The following ACOX2 variants were observed in gnomAD, a reference collection of about 807,000 sequenced individuals.
ACOX2 encodes peroxisomal acyl-coenzyme A oxidase 2.
In ACOX2, 59 loss-of-function variants were observed where a neutral mutation model predicts 77.5. The observed-to-expected ratio is 0.76, with a 90% confidence interval of 0.62 to 0.95. ACOX2 has a LOEUF of 0.95. Ranked by LOEUF, ACOX2 falls within the 40% of genes least tolerant of loss-of-function variation. The pLI is 0.00. For missense variants in ACOX2, 837 were observed against 880.4 expected (o/e 0.95, Z 0.62); for synonymous variants, 317 against 340.1 (o/e 0.93, Z 0.75).
Position 58,526,569 on chromosome 3 carries a change from G to T in ACOX2, c.1243C>A (p.His415Asn). Residue 415 changes from histidine (H) to asparagine (N), a missense_variant, in exon 10 of 15, where the codon CAT (histidine) becomes AAT (asparagine). His to Asn is a moderately conservative substitution (Grantham distance 68, BLOSUM62 1). Coordinates refer to ENST00000302819, the MANE Select transcript of ACOX2 (RefSeq NM_003500.4). This position sits in a 1 kb window ranked among gnomAD's most constrained non-coding sequence, Gnocchi z 4.3. ...AEMCRRACGG[H>N]GYSKLSGLPS... ...AGGCCACTCAGCTTTGAGTAGCCAT[G>T]TCCGCCACAGGCCCTGCGGCACATC... The T allele has an allele frequency of 6.2e-7, 1 of 1,614,204 alleles. No homozygotes were observed. Among genetic ancestry groups the T allele is most frequent in the South Asian group, 1.1e-5 (1 of 91,086 alleles).
chr3:58,526,657 C>A lies in ACOX2; in HGVS notation c.1156-1G>T, dbSNP rs144118647. ...TCATGCCCGTGCTCAGTGCGTGGAG[C>A]TGTGAGAACATGGAGGGGGGTTGGG... is the stretch of plus-strand genomic sequence containing the variant. On this transcript the variant is annotated splice_acceptor_variant, in intron 9 of 14. Transcript: ENST00000302819. LOFTEE classifies it high-confidence loss of function. The surrounding 1 kb of genome is among the most constrained non-coding windows in gnomAD (Gnocchi z 4.3). 4 of 1,612,896 alleles carry A rather than the reference C, an allele frequency of 2.5e-6. No individual in the cohort carries two copies. In the African/African-American group the frequency reaches 5.3e-5, roughly 22 times the overall value.
At chr3:58,507,106 A>G (rs2063240155) in intron 14 of ACOX2, among the ~76,000 whole-genome samples, 1 of 152,230 alleles carries the variant, frequency 6.6e-6, no homozygotes, top group Admixed American at 6.5e-5. Context: ...AAGATCCACA[A>G]TGCTATACCT....
chr3:58,507,620 A>G (rs1560208167), intron 14 of ACOX2, among the ~76,000 whole-genome samples: 1 of 152,214 alleles, frequency 6.6e-6, no homozygotes, highest in South Asian at 2.1e-4. Context: ...TCTTTAGACC[A>G]TGGAAGCTAG....
chr3:58,529,552 C>T (rs1273045236), intron 8 of ACOX2, among the ~76,000 whole-genome samples: 2 of 152,192 alleles, frequency 1.3e-5, no homozygotes, highest in African/African-American at 4.8e-5. Flanking sequence ...ACAGCAGCTG[C>T]TTACCTGGCG....
In ACOX2 at chr3:58,533,622, T is replaced by C; in HGVS notation, c.476-70A>G. Reference sequence around the variant, plus strand: ...TCTTACCTGTGAAGCTGCTTCTAGGTGGGTCTGAACTCTTAGGCATCAGCG... The same window carrying C: ...TCTTACCTGTGAAGCTGCTTCTAGGCGGGTCTGAACTCTTAGGCATCAGCG... On this transcript the variant is annotated intron_variant, in intron 4 of 14. Transcript: ENST00000302819. This position sits in a 1 kb window ranked among gnomAD's most constrained non-coding sequence, Gnocchi z 5.6. 1.4e-6 allele frequency: 2 copies of C among 1,470,664 alleles called. No homozygotes were observed. Among genetic ancestry groups the C allele is most frequent in the Admixed American group, 1.7e-5 (1 of 59,100 alleles). 91.1% of individuals were successfully genotyped at this position (1,470,664 alleles called of 1,614,324 possible).
chr3:58,532,468 C>G (rs542984877), intron 5 of ACOX2, among the ~76,000 whole-genome samples: 1 of 152,178 alleles, frequency 6.6e-6, no homozygotes, highest in Admixed American at 6.5e-5. Flanking sequence ...TCATTGCAGC[C>G]TCTGCCTCCC....
At chr3:58,508,419 A>G (rs2063249923) in intron 14 of ACOX2, among the ~76,000 whole-genome samples, 1 of 152,168 alleles carries the variant, frequency 6.6e-6, no homozygotes, top group Admixed American at 6.5e-5. Flanking sequence ...AGAGGGTATC[A>G]TCTCTAGCAG....
rs1313857168 is a variant in ACOX2, at chr3:58,521,381, T to C, written c.1632+1115A>G. Among the ~76,000 whole-genome samples, 1 of 152,248 alleles carries C rather than the reference T, an allele frequency of 6.6e-6. No individual in the cohort carries two copies. Among genetic ancestry groups the C allele is most frequent in the Non-Finnish European group, 1.5e-5 (1 of 68,036 alleles). On this transcript the variant is annotated intron_variant, in intron 12 of 14. Coordinates refer to ENST00000302819, the MANE Select transcript of ACOX2 (RefSeq NM_003500.4). The surrounding 1 kb of genome is among the most constrained non-coding windows in gnomAD (Gnocchi z 4.8). Reference sequence around the variant, plus strand: ...AGGATTGGCGTGATCACTTTAGTTTTCCAGTTATTGGCGGTGCCAGAGTCC... The same window carrying C: ...AGGATTGGCGTGATCACTTTAGTTTCCCAGTTATTGGCGGTGCCAGAGTCC...
intron 13 of ACOX2, among the ~76,000 whole-genome samples, chr3:58,516,381 C>T (rs1467981416): frequency 6.6e-6 from 1 of 152,154 alleles, no homozygotes; most frequent in Non-Finnish European, 1.5e-5. Context: ...GTACCCAGCC[C>T]CTCCTCTGGC....
At chr3:58,527,951 C>T (rs1408791954) in intron 9 of ACOX2, among the ~76,000 whole-genome samples, 1 of 151,898 alleles carries the variant, frequency 6.6e-6, no homozygotes, top group Non-Finnish European at 1.5e-5. Flanking sequence ...AAGCAATCCT[C>T]CTGCCCTGGC....
rs201218194 is a variant in ACOX2 at position 58,517,612 on chromosome 3, T to TG, written c.1633-190_1633-189insC. ...TTTTGATGTTGTGTATATGTGTGTG[T>TG]TGGGGGGGGGAGCGGGGACGGGGGG... On this transcript the variant is annotated intron_variant, in intron 12 of 14. Coordinates refer to ENST00000302819, the MANE Select transcript of ACOX2 (RefSeq NM_003500.4). Among the ~76,000 whole-genome samples, 376 of 95,816 alleles carry TG rather than the reference T, an allele frequency of 3.9e-3. 2 individuals carry two copies. Among genetic ancestry groups the TG allele is most frequent in the East Asian group, 9.8e-3 (33 of 3,362 alleles). The allele number at this position is 95,816 out of a possible 152,430, so 62.9% of individuals were successfully genotyped here.
At chr3:58,516,409 G>C (rs957433860) in intron 13 of ACOX2, among the ~76,000 whole-genome samples, 4 of 152,160 alleles carry the variant, frequency 2.6e-5, no homozygotes, top group Non-Finnish European at 5.9e-5. Flanking sequence ...GTGATACTGG[G>C]CAACTCCCAT....
intron 14 of ACOX2, among the ~76,000 whole-genome samples, chr3:58,506,794 A>G (rs559507977): frequency 2.2e-4 from 34 of 152,352 alleles, no homozygotes; most frequent in African/African-American, 7.9e-4. Context: ...TCTGTCTCAA[A>G]AATAATAATA....
In ACOX2 at chr3:58,535,808, T is replaced by TG. The variant is rs1008155690; in HGVS notation, c.-91-612dup. ...CCCAGGTTGGACCCTGTCTCCTTCA[T>TG]GGCAAGTGCTTGGCCTCTGAGAAGC... On this transcript the variant is annotated intron_variant, in intron 1 of 14. Coordinates refer to ENST00000302819, the MANE Select transcript of ACOX2 (RefSeq NM_003500.4). The surrounding 1 kb of genome is among the most constrained non-coding windows in gnomAD (Gnocchi z 4.8). Among the ~76,000 whole-genome samples the TG allele has an allele frequency of 5.9e-5, 9 of 152,036 alleles. No homozygotes were observed. Among genetic ancestry groups the TG allele is most frequent in the African/African-American group, 1.7e-4 (7 of 41,310 alleles).
chr3:58,515,386 A>G lies in ACOX2; in HGVS notation c.1850+1820T>C, dbSNP rs182369253. 1.3e-5 allele frequency among the ~76,000 whole-genome samples: 2 copies of G among 152,338 alleles called. No individual in the cohort carries two copies. The highest frequency in any genetic ancestry group is 3.9e-4 in the East Asian group (2 of 5,186). ...CTATGAGTAGTCATAAAGGGCATGT[A>G]ACATATTGCATATTGTGAGAAATAA... On this transcript the variant is annotated intron_variant, in intron 13 of 14. Coordinates refer to ENST00000302819, the MANE Select transcript of ACOX2 (RefSeq NM_003500.4). This position sits in a 1 kb window ranked among gnomAD's most constrained non-coding sequence, Gnocchi z 4.0.
chr3:58,532,834 T>A (rs1363489961), intron 5 of ACOX2, among the ~76,000 whole-genome samples: 3 of 152,202 alleles, frequency 2.0e-5, no homozygotes, highest in African/African-American at 4.8e-5. Flanking sequence ...GCCACAGATG[T>A]GTCCTTGGAG....
Position 58,523,747 on chromosome 3 carries a change from C to A in ACOX2, c.1526+679G>T, listed in dbSNP as rs1188828114. 6.6e-6 allele frequency among the ~76,000 whole-genome samples: 1 copy of A among 152,074 alleles called. No homozygotes were observed. Among genetic ancestry groups the A allele is most frequent in the Non-Finnish European group, 1.5e-5 (1 of 68,014 alleles). On this transcript the variant is annotated intron_variant, in intron 11 of 14. Coordinates refer to ENST00000302819, the MANE Select transcript of ACOX2 (RefSeq NM_003500.4). The surrounding 1 kb of genome is among the most constrained non-coding windows in gnomAD (Gnocchi z 5.3). ...TACTGGTGTCAGCCACCATGCCCAG[C>A]CTGTTTTCGGTGTTTTAATTTGGGG...
rs773554461 is a variant in ACOX2, at chr3:58,534,328, C to T, written c.323+32G>A. ...TTTCCAGGTGATCCCAGGTAGATCC[C>T]TCTCTAGTGGGGCTGCTCGAGGAGT... On this transcript the variant is annotated intron_variant, in intron 3 of 14. Transcript: ENST00000302819. This position sits in a 1 kb window ranked among gnomAD's most constrained non-coding sequence, Gnocchi z 4.8. 4.3e-6 allele frequency: 7 copies of T among 1,611,906 alleles called. No homozygotes were observed. The highest frequency in any genetic ancestry group is 5.9e-6 in the Non-Finnish European group (7 of 1,178,770).
intron 13 of ACOX2, among the ~76,000 whole-genome samples, chr3:58,509,630 T>TTAG (rs1480043871): frequency 0.049 from 6,102 of 124,216 alleles, 11 homozygotes; most frequent in African/African-American, 0.059. Context: ...TTTTTTTTGA[T>TTAG]ACAGAGTCTC....
Sources: allele counts gnomAD v4.1 joint callset (sites outside exome capture counted in the v4.1 genomes callset), GRCh38; gene constraint gnomAD v4.1.1; non-coding constraint Gnocchi (gnomAD v3.1); transcripts MANE v1.5; gene names NCBI Gene and HGNC (gene_info 2026-07-23, HGNC 2026-07-21).